Variants in THSD4 observed in about 807,000 individuals in gnomAD.
THSD4 encodes the protein thrombospondin type 1 domain containing 4.
A neutral mutation model predicts 119.0 loss-of-function variants in THSD4; 69 were observed. The observed-to-expected ratio is 0.58, with a 90% CI of 0.48 to 0.71. The LOEUF is 0.71. THSD4 is among the 30% of genes least tolerant of loss of function. The probability of loss-of-function intolerance (pLI) is 0.00; values close to 1 mark genes in which losing one functional copy is unlikely to be tolerated. For missense variants in THSD4, 1,393 were observed against 1,391.1 expected (o/e 1.00, Z -0.02); for synonymous variants, 524 against 540.4 (o/e 0.97, Z 0.42).
chr15:71,472,954 T>A lies in THSD4; in HGVS notation c.1152+61131T>A, dbSNP rs1476481422. Among the ~76,000 whole-genome samples, 4 of 152,164 alleles carry A rather than the reference T, an allele frequency of 2.6e-5. No individual in the cohort carries two copies. The East Asian group carries it at 5.8e-4, about 22-fold the overall frequency. On this transcript the variant is annotated intron_variant, in intron 7 of 17. Coordinates refer to ENST00000261862, the MANE Select transcript of THSD4 (RefSeq NM_024817.3). ...TTTGTGCAGGCAGACTTGTTGCAGATGCTGTTAATGGTGAGATCTGTTTTG... is the reference window on the plus strand; with the variant it reads ...TTTGTGCAGGCAGACTTGTTGCAGAAGCTGTTAATGGTGAGATCTGTTTTG...
intron 8 of THSD4, among the ~76,000 whole-genome samples, chr15:71,713,809 G>A (rs2141097253): frequency 6.6e-6 from 1 of 152,208 alleles, no homozygotes; most frequent in East Asian, 1.9e-4. Flanking sequence ...TACACTAAAG[G>A]GAAAGCATTG....
At chr15:71,286,260 G>C (rs555854612) in intron 6 of THSD4, among the ~76,000 whole-genome samples, 1 of 152,260 alleles carries the variant, frequency 6.6e-6, no homozygotes, top group Non-Finnish European at 1.5e-5. Context: ...CATCACCCAG[G>C]TATTAAGCCT....
At chr15:71,467,549 T>C (rs907672348) in intron 7 of THSD4, among the ~76,000 whole-genome samples, 1 of 152,184 alleles carries the variant, frequency 6.6e-6, no homozygotes, top group African/African-American at 2.4e-5. Flanking sequence ...TCTTCAGAGA[T>C]AAGGATGCTT....
In THSD4 at chr15:71,263,275, G is replaced by A. The variant is rs929970894; in HGVS notation, c.1015+6560G>A. On this transcript the variant is annotated intron_variant, in intron 6 of 17. Transcript: ENST00000261862. ...GGGATAATGGCCTCCAGCTCCATCCGTGTCCCTGCAAAGGACATAATCTCA... is the reference window on the plus strand; with the variant it reads ...GGGATAATGGCCTCCAGCTCCATCCATGTCCCTGCAAAGGACATAATCTCA... Among the ~76,000 whole-genome samples the A allele has an allele frequency of 4.0e-5, 6 of 149,326 alleles. No individual in the cohort carries two copies. The South Asian group carries it at 6.3e-4, about 16-fold the overall frequency.
rs568864479 is a variant in THSD4 at position 71,774,763 on chromosome 15, A to G, written c.2915-2469A>G. ...CGGCACCTCAGCCTGAGCAACACAG[A>G]AAGACCCCATCTCTGAAAAAAAAAA... is the stretch of plus-strand genomic sequence containing the variant. On this transcript the variant is annotated intron_variant, in intron 17 of 17. Coordinates refer to ENST00000261862, the MANE Select transcript of THSD4 (RefSeq NM_024817.3). Among the ~76,000 whole-genome samples, 163 of 149,722 alleles carry G rather than the reference A, an allele frequency of 1.1e-3. 1 individual carries two copies. The highest frequency in any genetic ancestry group is 3.9e-3 in the African/African-American group (155 of 39,490).
chr15:71,545,209 C>T (rs1482339989), intron 7 of THSD4, among the ~76,000 whole-genome samples: 2 of 152,192 alleles, frequency 1.3e-5, no homozygotes, highest in Non-Finnish European at 2.9e-5. Context: ...GACATGGTTA[C>T]AGAGAAGTAA....
rs140204774 is a variant in THSD4 at position 71,628,701 on chromosome 15, C to A, written c.1153-31829C>A. ...AAGGGTGTCAATACACTTTGAGAAT[C>A]GAATCTTGATCTTGATGGAGACGTT... is the stretch of plus-strand genomic sequence containing the variant. On this transcript the variant is annotated intron_variant, in intron 7 of 17. Transcript: ENST00000261862. 6.1e-4 allele frequency among the ~76,000 whole-genome samples: 93 copies of A among 152,322 alleles called. 1 individual carries two copies. Among genetic ancestry groups the A allele is most frequent in the African/African-American group, 1.8e-3 (75 of 41,566 alleles).
Position 71,409,129 on chromosome 15 carries a change from A to AT in THSD4, c.1016-2556dup, listed in dbSNP as rs571618163. Among the ~76,000 whole-genome samples, 431 of 142,576 alleles carry AT rather than the reference A, an allele frequency of 3.0e-3. 3 individuals carry two copies. The highest frequency in any genetic ancestry group is 0.011 in the African/African-American group (404 of 38,196). 93.5% of individuals were successfully genotyped at this position (142,576 alleles called of 152,430 possible). ...GTGGCCATTCGGAGATTCTGCTGTA[A>AT]TTGTCTCACGTTTAGCTTTTTTTTT... is the stretch of plus-strand genomic sequence containing the variant. On this transcript the variant is annotated intron_variant, in intron 6 of 17. Coordinates refer to ENST00000261862, the MANE Select transcript of THSD4 (RefSeq NM_024817.3).
At chr15:71,290,615 G>A (rs567673602) in intron 6 of THSD4, among the ~76,000 whole-genome samples, 2 of 152,320 alleles carry the variant, frequency 1.3e-5, no homozygotes, top group Non-Finnish European at 2.9e-5. Flanking sequence ...TTACTAAGAA[G>A]TGCAGAGATA....
chr15:71,642,037 C>T (rs950689504), intron 7 of THSD4, among the ~76,000 whole-genome samples: 11 of 152,036 alleles, frequency 7.2e-5, no homozygotes, highest in Admixed American at 4.6e-4. Context: ...GAGGGCAGAA[C>T]GTGGAGCAAT....
intron 6 of THSD4, chr15:71,341,700 A>C (rs747164909): frequency 8.3e-7 from 1 of 1,203,990 alleles, no homozygotes; most frequent in Non-Finnish European, 1.2e-6. Context: ...GGGTCAAGTG[A>C]ATAGCGAACC....
intron 7 of THSD4, among the ~76,000 whole-genome samples, chr15:71,653,515 G>GC (rs2051132344): frequency 6.6e-6 from 1 of 152,198 alleles, no homozygotes; most frequent in Non-Finnish European, 1.5e-5. Flanking sequence ...GTGGGTAGAA[G>GC]CCAAGGATGC....
chr15:71,616,025 C>G (rs2050313145), intron 7 of THSD4, among the ~76,000 whole-genome samples: 3 of 152,102 alleles, frequency 2.0e-5, no homozygotes. Flanking sequence ...CAACATCTGG[C>G]CCAGGATAGA....
Position 71,392,203 on chromosome 15 carries a change from A to G in THSD4, c.1016-19484A>G, listed in dbSNP as rs1307296168. 4.6e-5 allele frequency among the ~76,000 whole-genome samples: 7 copies of G among 152,214 alleles called. No homozygotes were observed. The East Asian group carries it at 1.2e-3, about 25-fold the overall frequency. ...ACTTTTCTGCCAGGGGTTGCCACAT[A>G]TTGATAAATGTCGATATTTCCATGT... On this transcript the variant is annotated intron_variant, in intron 6 of 17. Coordinates refer to ENST00000261862, the MANE Select transcript of THSD4 (RefSeq NM_024817.3).
At chr15:71,214,996 G>A in intron 3 of THSD4, 39 bp from the exon 4 acceptor site, 1 of 1,237,340 alleles carries the variant, frequency 8.1e-7, no homozygotes, top group Non-Finnish European at 1.0e-6. Context: ...GAAGAGAGGA[G>A]CGGTGTTCTG....
At chr15:71,484,393 A>G (rs1405674504) in intron 7 of THSD4, among the ~76,000 whole-genome samples, 6 of 152,210 alleles carry the variant, frequency 3.9e-5, no homozygotes, top group African/African-American at 1.4e-4. Context: ...TTTCGATTAG[A>G]TAGGTGCTAT....
chr15:71,503,955 T>C (rs542620435), intron 7 of THSD4, among the ~76,000 whole-genome samples: 2 of 152,302 alleles, frequency 1.3e-5, no homozygotes, highest in Non-Finnish European at 2.9e-5. Context: ...CCATGAAGAA[T>C]CAGTTTATAC....
intron 6 of THSD4, among the ~76,000 whole-genome samples, chr15:71,404,215 A>G (rs890795976): frequency 9.9e-5 from 15 of 152,194 alleles, no homozygotes; most frequent in African/African-American, 2.9e-4. Flanking sequence ...CCTAAGAAGG[A>G]AGCTGATACC....
chr15:71,270,229 C>T (rs1290807928), intron 6 of THSD4, among the ~76,000 whole-genome samples: 1 of 152,186 alleles, frequency 6.6e-6, no homozygotes, highest in Admixed American at 6.5e-5. Context: ...ACCAAAACAG[C>T]ATGGTACTGG....
Sources: gnomAD v4.1 joint callset for allele counts (sites outside exome capture counted in the v4.1 genomes callset) on GRCh38, gnomAD v4.1.1 for gene constraint, MANE v1.5 for transcripts, NCBI Gene and HGNC (gene_info 2026-07-23, HGNC 2026-07-21) for gene names.